CFAP53: variants seen among roughly 807,000 people sequenced by gnomAD.
CFAP53 encodes cilia- and flagella-associated protein 53.
Under a neutral mutation model 59.7 loss-of-function variants are expected in CFAP53, and 62 were observed. The observed-to-expected ratio is 1.04, with a 90% confidence interval of 0.85 to 1.28. CFAP53 has a LOEUF of 1.28. Ranked by LOEUF, CFAP53 falls within the 50% of genes most tolerant of loss-of-function variation. The pLI is 0.00. For missense variants in CFAP53, 629 were observed against 615.6 expected, an observed-to-expected ratio of 1.02 and a Z score of -0.23; for synonymous variants, 218 against 205.7, an observed-to-expected ratio of 1.06 and a Z score of -0.51.
chr18:50,245,171 A>G (rs2033731650), intron 5 of CFAP53, among the ~76,000 whole-genome samples: 1 of 151,290 alleles, frequency 6.6e-6, no homozygotes, highest in South Asian at 2.1e-4. Context: ...TCATGAGGTC[A>G]GGAGATCGAG....
intron 3 of CFAP53, among the ~76,000 whole-genome samples, chr18:50,255,576 C>CA (rs71169497): frequency 0.68 from 101,397 of 150,098 alleles, 34,586 homozygotes; most frequent in East Asian, 0.78. Context: ...AAATTAAATA[C>CA]AAAAAAAAAC....
chr18:50,230,878 C>T (rs1246576524), intron 7 of CFAP53, among the ~76,000 whole-genome samples: 1 of 152,076 alleles, frequency 6.6e-6, no homozygotes, highest in Non-Finnish European at 1.5e-5. Flanking sequence ...TGTGGATACC[C>T]CTCTATGGCA....
At chr18:50,238,780 GTC>G in intron 6 of CFAP53, 75 bp from the exon 7 acceptor site, 9 of 1,042,676 alleles carry the variant, frequency 8.6e-6, no homozygotes, top group Non-Finnish European at 1.3e-5. Context: ...GGGCACCAGA[GTC>G]ATATTGTCTT....
At chr18:50,263,433 T>C (rs914371080) in intron 1 of CFAP53, among the ~76,000 whole-genome samples, 1 of 152,174 alleles carries the variant, frequency 6.6e-6, no homozygotes, top group Non-Finnish European at 1.5e-5. Context: ...GAAGACAGTT[T>C]AATGAAAAGA....
At chr18:50,251,428 T>G in intron 4 of CFAP53, 53 bp downstream of exon 4, 1 of 1,489,414 alleles carries the variant, frequency 6.7e-7, no homozygotes, top group Non-Finnish European at 9.1e-7. Flanking sequence ...GCCTGCAAAC[T>G]GTACTACACC....
At position 50,250,940 on chromosome 18, in the gene CFAP53, G is replaced by C; in HGVS notation, c.814C>G (p.Gln272Glu). 6.2e-7 allele frequency: 1 copy of C among 1,614,080 alleles called. No individual in the cohort carries two copies. The highest frequency in any genetic ancestry group is 8.5e-7 in the Non-Finnish European group (1 of 1,179,988). ...NNAQIKHENE[Q>E]DMLKKQKAKQ... ...GCCTTCTGTTTCTTTAGCATATCCT[G>C]TTCATTCTCATGTTTAATCTGTGCG... is the stretch of plus-strand genomic sequence containing the variant. The change falls in exon 5 of 8, where the codon CAG becomes GAG. Residue 272 changes from glutamine to glutamate, a missense_variant. Coordinates refer to ENST00000398545, the MANE Select transcript of CFAP53 (RefSeq NM_145020.5).
At chr18:50,252,379 G>C (rs543192497) in intron 3 of CFAP53, among the ~76,000 whole-genome samples, 3 of 151,886 alleles carry the variant, frequency 2.0e-5, no homozygotes, top group South Asian at 2.1e-4. Context: ...GCTGGGATTA[G>C]AGGCGTGAGC....
intron 7 of CFAP53, among the ~76,000 whole-genome samples, chr18:50,229,753 T>C (rs2033561881): frequency 6.7e-6 from 1 of 148,912 alleles, no homozygotes; most frequent in African/African-American, 2.5e-5. Flanking sequence ...TTTTTTTTTT[T>C]CAGACAGGGT....
At chr18:50,243,930 C>T (rs576365225) in intron 5 of CFAP53, among the ~76,000 whole-genome samples, 68 of 149,400 alleles carry the variant, frequency 4.6e-4, no homozygotes, top group African/African-American at 1.4e-3. Flanking sequence ...CCAGCCTGGG[C>T]GACAGAGCGA....
chr18:50,232,206 T>C (rs1468001371), intron 7 of CFAP53, among the ~76,000 whole-genome samples: 1 of 152,220 alleles, frequency 6.6e-6, no homozygotes, highest in Non-Finnish European at 1.5e-5. Context: ...ACCCCATCTA[T>C]TCCTTCAGAC....
chr18:50,252,093 G>A (rs145801306), intron 3 of CFAP53, among the ~76,000 whole-genome samples: 1 of 120,054 alleles, frequency 8.3e-6, no homozygotes, highest in African/African-American at 3.2e-5. Context: ...CCTAATTTAG[G>A]GTTGCTTACT....
intron 3 of CFAP53, among the ~76,000 whole-genome samples, chr18:50,258,928 T>C (rs964487291): frequency 1.3e-5 from 2 of 152,138 alleles, no homozygotes; most frequent in Non-Finnish European, 2.9e-5. Flanking sequence ...CCAGTTAAAA[T>C]TGCTTATATC....
Position 50,248,732 on chromosome 18 carries a change from C to T in CFAP53, c.996+2026G>A, listed in dbSNP as rs148345350. Among the ~76,000 whole-genome samples, 1,086 of 150,308 alleles carry T rather than the reference C, an allele frequency of 7.2e-3. 24 individuals are homozygous for T. In the East Asian group the frequency reaches 0.073, roughly 10 times the overall value. On this transcript the variant is annotated intron_variant, in intron 5 of 7. Coordinates refer to ENST00000398545, the MANE Select transcript of CFAP53 (RefSeq NM_145020.5). ...CCCGGGAGGTGGAGGTTACAGTGAG[C>T]CGAGACCATGCCACTGCACTCCAGC...
chr18:50,247,805 C>A (rs2033759224), intron 5 of CFAP53, among the ~76,000 whole-genome samples: 1 of 152,034 alleles, frequency 6.6e-6, no homozygotes. Flanking sequence ...GGACTGGAGG[C>A]AGGAGGTGGG....
At chr18:50,238,775 CCA>C in intron 6 of CFAP53, 70 bp from the exon 7 acceptor site, 1 of 1,126,092 alleles carries the variant, frequency 8.9e-7, no homozygotes, top group East Asian at 2.4e-5. Context: ...TTTCTGGGCA[CCA>C]GAGTCATATT....
At position 50,251,691 on chromosome 18, in the gene CFAP53, C is replaced by T; in HGVS notation, c.567G>A (p.Glu189=). 6.2e-7 allele frequency: 1 copy of T among 1,614,236 alleles called. No individual in the cohort carries two copies. The highest frequency in any genetic ancestry group is 1.7e-5 in the Admixed American group (1 of 60,032). ...ERKAQIAFNE[E]LSRQKLVEEQ... ...CTTCCACCAGCTTTTGCCTGCTCAG[C>T]TCCTCATTAAATGCAATCTGTGCTT... Residue 189 remains glutamate (E), a synonymous_variant, in exon 4 of 8, where the codon GAG becomes GAA. Transcript: ENST00000398545.
intron 7 of CFAP53, among the ~76,000 whole-genome samples, chr18:50,236,669 T>A (rs949973120): frequency 6.6e-6 from 1 of 152,102 alleles, no homozygotes; most frequent in Non-Finnish European, 1.5e-5. Flanking sequence ...ATAACTGAGA[T>A]CCCTGACTAC....
chr18:50,249,008 G>A (rs1220475012), intron 5 of CFAP53, among the ~76,000 whole-genome samples: 2 of 151,848 alleles, frequency 1.3e-5, no homozygotes, highest in East Asian at 1.9e-4. Flanking sequence ...TTTGAGACCA[G>A]CCTGGCCAAC....
At chr18:50,252,159 G>A (rs985078863) in intron 3 of CFAP53, among the ~76,000 whole-genome samples, 12 of 151,816 alleles carry the variant, frequency 7.9e-5, no homozygotes, top group African/African-American at 9.7e-5. Flanking sequence ...GCTGGCGTGC[G>A]GTGGCACCAT....
Sources: gnomAD v4.1 joint callset for allele counts (sites outside exome capture counted in the v4.1 genomes callset) on GRCh38, gnomAD v4.1.1 for gene constraint, MANE v1.5 for transcripts, NCBI Gene and HGNC (gene_info 2026-07-23, HGNC 2026-07-21) for gene names.